Variants in PCDHGA7 observed in about 807,000 individuals in gnomAD.
PCDHGA7 encodes the protein protocadherin gamma subfamily A, 7.
Under a neutral mutation model 58.3 loss-of-function variants are expected in PCDHGA7, and 44 were observed. The observed-to-expected ratio is 0.75, with a 90% CI of 0.59 to 0.97. The LOEUF (loss-of-function observed/expected upper bound fraction) is 0.97. Ranked by LOEUF, PCDHGA7 falls within the 50% of genes least tolerant of loss-of-function variation. The pLI is 0.00. For missense variants in PCDHGA7, 1,266 were observed against 1,188.7 expected (o/e 1.06, Z -0.96); for synonymous variants, 516 against 504.2 (o/e 1.02, Z -0.31).
intron 1 of PCDHGA7, among the ~76,000 whole-genome samples, chr5:141,454,343 A>G (rs1161350416): frequency 2.6e-5 from 4 of 152,248 alleles, no homozygotes; most frequent in African/African-American, 7.2e-5. Flanking sequence ...AAATGTTGGA[A>G]GTTGATCCAA....
chr5:141,387,122 A>G (rs960154825), intron 1 of PCDHGA7, among the ~76,000 whole-genome samples: 24 of 152,234 alleles, frequency 1.6e-4, no homozygotes, highest in African/African-American at 5.5e-4. Flanking sequence ...CTGTAATGAA[A>G]TCACTGAAAC....
intron 1 of PCDHGA7, chr5:141,415,758 T>G (rs200061978): frequency 0.08 from 111,079 of 1,380,048 alleles, 1,979 homozygotes; most frequent in African/African-American, 0.17. Context: ...TTTTTTTTTT[T>G]TTTTTTTTTT....
chr5:141,482,574 A>C (rs1294997781), intron 1 of PCDHGA7, among the ~76,000 whole-genome samples: 2 of 151,592 alleles, frequency 1.3e-5, no homozygotes, highest in Non-Finnish European at 2.9e-5. Context: ...GCATAGCATA[A>C]GATGCAGTGG....
At position 141,492,138 on chromosome 5, in the gene PCDHGA7, T is replaced by C. The variant is rs577884713; in HGVS notation, c.2425-2669T>C. ...ATTTCTCCCCAGCTCCCAGCATCTG[T>C]GACTTCACTGTTACCCTCCCTATCC... On this transcript the variant is annotated intron_variant, in intron 1 of 3. Coordinates refer to ENST00000518325, the MANE Select transcript of PCDHGA7 (RefSeq NM_018920.4). 2.4e-3 allele frequency among the ~76,000 whole-genome samples: 366 copies of C among 152,312 alleles called. 1 individual carries two copies. Among genetic ancestry groups the C allele is most frequent in the Non-Finnish European group, 3.5e-3 (238 of 68,014 alleles).
At chr5:141,404,443 A>G in intron 1 of PCDHGA7, 1 of 1,613,468 alleles carries the variant, frequency 6.2e-7, no homozygotes, top group East Asian at 2.2e-5. Flanking sequence ...ATACCATCCA[A>G]GGGTCTCCTC....
chr5:141,421,611 T>C lies in PCDHGA7; in HGVS notation c.2424+36288T>C, dbSNP rs747573417. 6.8e-6 allele frequency: 11 copies of C among 1,613,694 alleles called. No homozygotes were observed. The African/African-American group carries it at 1.3e-4, about 20-fold the overall frequency. On this transcript the variant is annotated intron_variant, in intron 1 of 3. Transcript: ENST00000518325. ...TGGAGGTGGAAATAATAGATATTAA[T>C]GATAACGCCCCCAGCTTCCAGGAGG...
chr5:141,506,737 C>T (rs893758261), intron 3 of PCDHGA7, among the ~76,000 whole-genome samples: 5 of 152,076 alleles, frequency 3.3e-5, no homozygotes, highest in African/African-American at 1.2e-4. Flanking sequence ...AGAATAATGC[C>T]TATTAATAAA....
At chr5:141,507,178 G>A (rs548016031) in intron 3 of PCDHGA7, 4 of 152,350 alleles carry the variant, frequency 2.6e-5, no homozygotes, top group East Asian at 3.9e-4. Flanking sequence ...CCTCTTCCTC[G>A]AGCTCTGCTT....
chr5:141,414,624 G>C, intron 1 of PCDHGA7: 1 of 1,613,932 alleles, frequency 6.2e-7, no homozygotes, highest in Non-Finnish European at 8.5e-7. Context: ...CGCTGGACCC[G>C]GACAGCAAAG....
intron 1 of PCDHGA7, among the ~76,000 whole-genome samples, chr5:141,481,153 A>G (rs1376488411): frequency 2.0e-5 from 3 of 152,224 alleles, no homozygotes; most frequent in Non-Finnish European, 4.4e-5. Context: ...TTATTCTGGT[A>G]TTTGCAGAAC....
intron 1 of PCDHGA7, among the ~76,000 whole-genome samples, chr5:141,483,294 T>G (rs1392406131): frequency 2.0e-5 from 3 of 152,100 alleles, no homozygotes; most frequent in Non-Finnish European, 4.4e-5. Flanking sequence ...CAGTCATAAG[T>G]GAAGGGACTG....
chr5:141,418,748 A>G, intron 1 of PCDHGA7: 7 of 1,613,954 alleles, frequency 4.3e-6, no homozygotes, highest in East Asian at 2.2e-5. Context: ...TCTGGATTAC[A>G]CTACAGGAAA....
chr5:141,425,482 C>G (rs1257043728), intron 1 of PCDHGA7, among the ~76,000 whole-genome samples: 1 of 152,192 alleles, frequency 6.6e-6, no homozygotes, highest in East Asian at 1.9e-4. Flanking sequence ...CCTATGGCAA[C>G]CTACTAGGCT....
At chr5:141,419,227 C>G in intron 1 of PCDHGA7, 1 of 1,614,024 alleles carries the variant, frequency 6.2e-7, no homozygotes, top group South Asian at 1.1e-5. Flanking sequence ...GACAGTCAGC[C>G]TACCTGGTCC....
At chr5:141,410,295 T>A (rs1043971768) in intron 1 of PCDHGA7, 1 of 1,613,982 alleles carries the variant, frequency 6.2e-7, no homozygotes, top group Admixed American at 1.7e-5. Flanking sequence ...GCCTTGGCCT[T>A]AATCTCAGTG....
At chr5:141,508,718 G>T (rs2099871076) in intron 3 of PCDHGA7, among the ~76,000 whole-genome samples, 1 of 151,852 alleles carries the variant, frequency 6.6e-6, no homozygotes, top group Non-Finnish European at 1.5e-5. Flanking sequence ...TTTTCTGTGT[G>T]CAGGGAGACT....
intron 1 of PCDHGA7, chr5:141,421,662 G>C: frequency 5.6e-6 from 9 of 1,613,844 alleles, no homozygotes; most frequent in Non-Finnish European, 7.6e-6. Context: ...AAGTCAGTGA[G>C]CACGCAATTC....
intron 1 of PCDHGA7, chr5:141,417,045 A>G (rs890407837): frequency 7.2e-5 from 11 of 152,144 alleles, no homozygotes; most frequent in Admixed American, 1.3e-4. Context: ...TTTTAAAAAA[A>G]ACTGCTCTTG....
intron 1 of PCDHGA7, among the ~76,000 whole-genome samples, chr5:141,401,626 C>T (rs1476531463): frequency 6.6e-6 from 1 of 152,174 alleles, no homozygotes; most frequent in Non-Finnish European, 1.5e-5. Flanking sequence ...TTTGTCTTAT[C>T]GTTTGGAGCT....
Sources: allele counts gnomAD v4.1 joint callset (sites outside exome capture counted in the v4.1 genomes callset), GRCh38; gene constraint gnomAD v4.1.1; transcripts MANE v1.5; gene names NCBI Gene and HGNC (gene_info 2026-07-23, HGNC 2026-07-21).